Variants in CDC42BPA observed in about 807,000 individuals in gnomAD.
CDC42BPA encodes the protein serine/threonine-protein kinase MRCK alpha.
Under a neutral mutation model 223.5 loss-of-function variants are expected in CDC42BPA, and 80 were observed. The ratio of observed to expected loss-of-function variants is 0.36; its 90% CI spans 0.30 to 0.43. The LOEUF (loss-of-function observed/expected upper bound fraction) is 0.43, where lower values mean the gene tolerates loss of function less well. Ranked by LOEUF, CDC42BPA falls within the 20% of genes least tolerant of loss-of-function variation. The probability of loss-of-function intolerance (pLI) is 1.00; values close to 1 mark genes in which losing one functional copy is unlikely to be tolerated. For synonymous variants in CDC42BPA, 694 were observed against 718.6 expected, an observed-to-expected ratio of 0.97 and a Z score of 0.55; for missense variants, 1,743 against 2,099.9, an observed-to-expected ratio of 0.83 and a Z score of 3.32.
At chr1:227,190,593 T>G (rs944767796) in intron 5 of CDC42BPA, among the ~76,000 whole-genome samples, 1 of 152,224 alleles carries the variant, frequency 6.6e-6, no homozygotes, top group Non-Finnish European at 1.5e-5. Flanking sequence ...ATTTTAAGTT[T>G]TATTTCTATC....
intron 6 of CDC42BPA, among the ~76,000 whole-genome samples, chr1:227,153,368 C>G (rs1662145376): frequency 6.6e-6 from 1 of 151,622 alleles, no homozygotes; most frequent in South Asian, 2.1e-4. Flanking sequence ...AAACTGAAAC[C>G]AGGAATAACT....
chr1:227,276,482 C>A (rs1473143879), intron 1 of CDC42BPA, among the ~76,000 whole-genome samples: 3 of 151,152 alleles, frequency 2.0e-5, no homozygotes, highest in Non-Finnish European at 4.4e-5. Flanking sequence ...CCAGCCGCCC[C>A]GTTCGGGAGG....
intron 5 of CDC42BPA, among the ~76,000 whole-genome samples, chr1:227,175,008 T>G (rs1666716457): frequency 6.6e-6 from 1 of 152,154 alleles, no homozygotes; most frequent in Admixed American, 6.5e-5. Flanking sequence ...TTTGTGATTC[T>G]TTATTCCTTT....
At chr1:227,179,768 G>A (rs1667628919) in intron 5 of CDC42BPA, among the ~76,000 whole-genome samples, 3 of 83,916 alleles carry the variant, frequency 3.6e-5, no homozygotes, top group Admixed American at 1.2e-4. Flanking sequence ...TTCCTCCAAA[G>A]GGCAAAAAAG....
intron 5 of CDC42BPA, among the ~76,000 whole-genome samples, chr1:227,192,257 T>C (rs1310359422): frequency 5.3e-5 from 8 of 152,194 alleles, no homozygotes; most frequent in Admixed American, 6.5e-5. Context: ...TTCTCAGAGA[T>C]CACTCTCACC....
At chr1:227,055,975 G>C (rs1028317009) in intron 21 of CDC42BPA, among the ~76,000 whole-genome samples, 3 of 151,590 alleles carry the variant, frequency 2.0e-5, no homozygotes, top group Non-Finnish European at 2.9e-5. Context: ...GTTCATAATG[G>C]TCCCTGAAGC....
intron 14 of CDC42BPA, among the ~76,000 whole-genome samples, chr1:227,104,030 A>G (rs1437327436): frequency 6.6e-6 from 1 of 152,160 alleles, no homozygotes; most frequent in Non-Finnish European, 1.5e-5. Flanking sequence ...AAAACACTTC[A>G]AAAAGTAAAA....
chr1:227,056,628 C>A (rs1183935007), intron 21 of CDC42BPA, among the ~76,000 whole-genome samples: 1 of 152,068 alleles, frequency 6.6e-6, no homozygotes, highest in Non-Finnish European at 1.5e-5. Flanking sequence ...TGGGCTCAAG[C>A]GATTCTCCCG....
intron 20 of CDC42BPA, among the ~76,000 whole-genome samples, chr1:227,071,718 C>A (rs1157327164): frequency 2.8e-4 from 5 of 17,786 alleles, no homozygotes; most frequent in Admixed American, 1.8e-3. Flanking sequence ...AATCCCACCC[C>A]CCCCCCCCCA....
intron 2 of CDC42BPA, among the ~76,000 whole-genome samples, chr1:227,246,978 A>G (rs1383424305): frequency 6.6e-6 from 1 of 152,002 alleles, no homozygotes; most frequent in African/African-American, 2.4e-5. Context: ...AGGTGGGTGG[A>G]TTACTTGAGG....
intron 1 of CDC42BPA, among the ~76,000 whole-genome samples, chr1:227,266,295 A>AG (rs1467980252): frequency 8.5e-5 from 13 of 152,172 alleles, no homozygotes; most frequent in African/African-American, 3.1e-4. Context: ...GAACAAGGAG[A>AG]AAGCCCTTTC....
At chr1:227,250,622 A>AAG (rs1491342659) in intron 2 of CDC42BPA, among the ~76,000 whole-genome samples, 1 of 147,936 alleles carries the variant, frequency 6.8e-6, no homozygotes, top group Non-Finnish European at 1.5e-5. Flanking sequence ...TTTGAAACTG[A>AAG]AGTGTGTGTG....
chr1:227,161,837 C>A (rs1663961628), intron 5 of CDC42BPA, among the ~76,000 whole-genome samples: 1 of 152,130 alleles, frequency 6.6e-6, no homozygotes, highest in Non-Finnish European at 1.5e-5. Flanking sequence ...TTTCAAACCC[C>A]TATTGTAGAT....
intron 1 of CDC42BPA, among the ~76,000 whole-genome samples, chr1:227,313,871 T>C (rs1325162097): frequency 6.6e-6 from 1 of 152,100 alleles, no homozygotes; most frequent in Non-Finnish European, 1.5e-5. Context: ...TCTATGTATA[T>C]ACAAAATCTG....
intron 2 of CDC42BPA, among the ~76,000 whole-genome samples, chr1:227,223,953 G>T (rs937029475): frequency 6.6e-6 from 1 of 152,132 alleles, no homozygotes; most frequent in African/African-American, 2.4e-5. Flanking sequence ...TTCTGAGCAC[G>T]TTTAAGGTAG....
chr1:227,019,759 T>G (rs1486066100), intron 32 of CDC42BPA, among the ~76,000 whole-genome samples: 1 of 152,178 alleles, frequency 6.6e-6, no homozygotes, highest in Non-Finnish European at 1.5e-5. Flanking sequence ...CAGTAATATT[T>G]TGAAAGAAGT....
At chr1:227,204,432 A>C (rs1672315801) in intron 3 of CDC42BPA, among the ~76,000 whole-genome samples, 1 of 152,172 alleles carries the variant, frequency 6.6e-6, no homozygotes, top group Admixed American at 6.5e-5. Context: ...ATAGAAGATA[A>C]TTTTATTGGA....
intron 21 of CDC42BPA, among the ~76,000 whole-genome samples, chr1:227,065,044 C>T (rs2148995311): frequency 6.6e-6 from 1 of 152,130 alleles, no homozygotes; most frequent in South Asian, 2.1e-4. Context: ...TTGCAGTGAG[C>T]TGAGATCGCG....
intron 2 of CDC42BPA, among the ~76,000 whole-genome samples, chr1:227,238,294 G>A (rs1679435060): frequency 6.6e-6 from 1 of 151,378 alleles, no homozygotes; most frequent in Non-Finnish European, 1.5e-5. Context: ...GGAGTTTGAG[G>A]CTACAGTGAG....
Sources: gnomAD v4.1 joint callset for allele counts (sites outside exome capture counted in the v4.1 genomes callset) on GRCh38, gnomAD v4.1.1 for gene constraint, MANE v1.5 for transcripts, NCBI Gene and HGNC (gene_info 2026-07-23, HGNC 2026-07-21) for gene names.